AHDC1: variants seen among roughly 807,000 people sequenced by gnomAD.
The protein encoded by AHDC1 is transcription factor Gibbin.
AHDC1 carries 7 observed loss-of-function variants against 87.9 expected under a neutral mutation model. The observed-to-expected ratio is 0.08, with a 90% CI of 0.05 to 0.15. The LOEUF (loss-of-function observed/expected upper bound fraction) is 0.15. Ranked by LOEUF, AHDC1 falls within the 10% of genes least tolerant of loss-of-function variation. The pLI, the probability that AHDC1 is intolerant of heterozygous loss-of-function variation, is 1.00. For synonymous variants in AHDC1, 1,051 were observed against 1,006.8 expected, an observed-to-expected ratio of 1.04 and a Z score of -0.83; for missense variants, 1,841 against 2,253.2, an observed-to-expected ratio of 0.82 and a Z score of 3.70.
rs1481189997 is a variant in AHDC1 at position 27,548,832 on chromosome 1, G to A, written c.3284C>T (p.Ser1095Leu). ...CGCAAACTGCCGACAGTTCTCGGGC[G>A]AGGGCTGGAAGGAGGAGGAGGAGGA... Reference protein sequence around the residue: ...ASSSSSSFQPSPENCRQFAGA... With the variant: ...ASSSSSSFQPLPENCRQFAGA... The change falls in exon 8 of 9, where the codon TCG (serine) becomes TTG (leucine). Residue 1095 changes from serine (S) to leucine (L), a missense_variant. Ser to Leu is a moderately radical substitution (Grantham distance 145). Transcript: ENST00000673934. 3 of 1,613,090 alleles carry A rather than the reference G, an allele frequency of 1.9e-6. No homozygotes were observed. The highest frequency in any genetic ancestry group is 1.7e-6 in the Non-Finnish European group (2 of 1,179,974).
rs865956015 is a variant in AHDC1 at position 27,575,446 on chromosome 1, G to A, written c.-628-16563C>T. On this transcript the variant is annotated intron_variant, in intron 3 of 8. Coordinates refer to ENST00000673934, the MANE Select transcript of AHDC1 (RefSeq NM_001371928.1). ...GTGCTCTCTCCACTCCCGCAGTCTG[G>A]GGCCGGGCGGCGAGGTCTCCCCCCA... Among the ~76,000 whole-genome samples, 11 of 152,252 alleles carry A rather than the reference G, an allele frequency of 7.2e-5. No individual in the cohort carries two copies. The South Asian group carries it at 1.9e-3, about 26-fold the overall frequency.
At chr1:27,575,810 G>A (rs1367945466) in intron 3 of AHDC1, among the ~76,000 whole-genome samples, 2 of 151,736 alleles carry the variant, frequency 1.3e-5, no homozygotes, top group Admixed American at 6.6e-5. Flanking sequence ...TTGAGCGGGA[G>A]GGGAGCGGCC....
chr1:27,576,446 C>G (rs1168621237), intron 3 of AHDC1, among the ~76,000 whole-genome samples: 1 of 152,210 alleles, frequency 6.6e-6, no homozygotes, highest in African/African-American at 2.4e-5. Context: ...TAACACAGGG[C>G]ACCTGCCCTG....
chr1:27,559,078 A>G (rs1173622849), intron 3 of AHDC1, among the ~76,000 whole-genome samples, 195 bp from the exon 4 acceptor site: 1 of 151,966 alleles, frequency 6.6e-6, no homozygotes, highest in Non-Finnish European at 1.5e-5. Context: ...ACAGGGCCTC[A>G]TCTCGTTTTG....
chr1:27,591,141 G>A (rs568276102), intron 3 of AHDC1, among the ~76,000 whole-genome samples: 1 of 152,208 alleles, frequency 6.6e-6, no homozygotes, highest in South Asian at 2.1e-4. Context: ...CAAAGGGAGC[G>A]GCACAACTGA....
At chr1:27,573,869 A>G (rs1169165218) in intron 3 of AHDC1, among the ~76,000 whole-genome samples, 1 of 152,294 alleles carries the variant, frequency 6.6e-6, no homozygotes, top group South Asian at 2.1e-4. Flanking sequence ...GAGGCTCACA[A>G]GAGGTAGGGT....
At chr1:27,588,620 TGA>T (rs2089131338) in intron 3 of AHDC1, among the ~76,000 whole-genome samples, 1 of 152,164 alleles carries the variant, frequency 6.6e-6, no homozygotes, top group South Asian at 2.1e-4. Flanking sequence ...AGAGTGTTTA[TGA>T]GAGACAGAGG....
intron 8 of AHDC1, among the ~76,000 whole-genome samples, chr1:27,541,174 T>C (rs960946255): frequency 2.0e-5 from 3 of 152,158 alleles, no homozygotes; most frequent in African/African-American, 7.2e-5. Context: ...GTCTCAAATT[T>C]GTCAAGACCC....
At chr1:27,553,827 A>G (rs1349553736) in intron 5 of AHDC1, among the ~76,000 whole-genome samples, 1 of 152,136 alleles carries the variant, frequency 6.6e-6, no homozygotes. Flanking sequence ...GCACTTTGGG[A>G]GGCTGAGGCA....
intron 3 of AHDC1, among the ~76,000 whole-genome samples, chr1:27,596,394 C>A (rs1403368010): frequency 6.6e-6 from 1 of 152,090 alleles, no homozygotes. Flanking sequence ...AAACAGTCCT[C>A]ACGGAGGCTC....
intron 3 of AHDC1, among the ~76,000 whole-genome samples, chr1:27,571,855 C>T (rs950509244): frequency 2.6e-5 from 4 of 152,162 alleles, no homozygotes; most frequent in East Asian, 1.9e-4. Flanking sequence ...ACACACACTC[C>T]GCCTGTTCTG....
intron 8 of AHDC1, among the ~76,000 whole-genome samples, chr1:27,537,625 C>A (rs1245187787): frequency 6.6e-6 from 1 of 152,220 alleles, no homozygotes; most frequent in East Asian, 1.9e-4. Context: ...TCATCCCGAC[C>A]TGGCTCCTCC....
chr1:27,589,527 T>C (rs1275928921), intron 3 of AHDC1, among the ~76,000 whole-genome samples: 1 of 152,190 alleles, frequency 6.6e-6, no homozygotes, highest in African/African-American at 2.4e-5. Flanking sequence ...TGTGGGTCCA[T>C]GCGGCCTTGG....
In AHDC1 at chr1:27,575,259, CCA is replaced by C. The variant is rs367949581; in HGVS notation, c.-628-16378_-628-16377del. On this transcript the variant is annotated intron_variant, in intron 3 of 8. Coordinates refer to ENST00000673934, the MANE Select transcript of AHDC1 (RefSeq NM_001371928.1). ...ACCTCCGCCCCCCTCCCAGATGAGG[CCA>C]CAGAGTTTCTGGCTCCTGGAGGAGG... 8.9e-4 allele frequency among the ~76,000 whole-genome samples: 135 copies of C among 152,320 alleles called. 1 individual carries two copies. In the South Asian group the frequency reaches 0.011, roughly 12 times the overall value.
Position 27,560,626 on chromosome 1 carries a change from G to C in AHDC1, c.-628-1743C>G, listed in dbSNP as rs926774414. On this transcript the variant is annotated intron_variant, in intron 3 of 8. Transcript: ENST00000673934. The surrounding 1 kb of genome is among the most constrained non-coding windows in gnomAD (Gnocchi z 4.1). ...TTTCACCATGGGTCAGTATGTGCTC[G>C]TGTGTGTGTCCATGCATGTGTGGAT... Among the ~76,000 whole-genome samples, 2 of 152,062 alleles carry C rather than the reference G, an allele frequency of 1.3e-5. No homozygotes were observed. The highest frequency in any genetic ancestry group is 3.9e-4 in the East Asian group (2 of 5,192).
rs1305426031 is a variant in AHDC1, at chr1:27,598,017, T to C, written c.-629+5380A>G. ...GTGTGTGGGTGTCTCTGTCCATCTG[T>C]TTCACCACCCATCTGTCTGGCTGTC... On this transcript the variant is annotated intron_variant, in intron 3 of 8. Coordinates refer to ENST00000673934, the MANE Select transcript of AHDC1 (RefSeq NM_001371928.1). The surrounding 1 kb of genome is among the most constrained non-coding windows in gnomAD (Gnocchi z 4.2). Among the ~76,000 whole-genome samples the C allele has an allele frequency of 2.0e-5, 3 of 152,196 alleles. No individual in the cohort carries two copies. The highest frequency in any genetic ancestry group is 7.2e-5 in the African/African-American group (3 of 41,434).
intron 8 of AHDC1, among the ~76,000 whole-genome samples, chr1:27,539,228 C>T (rs2018796474): frequency 6.7e-6 from 1 of 148,838 alleles, no homozygotes; most frequent in Non-Finnish European, 1.5e-5. Flanking sequence ...CAGCCTCAAA[C>T]TCCTGGGCTC....
At chr1:27,603,202 T>G (rs1458132604) in intron 3 of AHDC1, among the ~76,000 whole-genome samples, 195 bp downstream of exon 3, 1 of 121,224 alleles carries the variant, frequency 8.2e-6, no homozygotes, top group East Asian at 3.0e-4. Context: ...CGGCGCTGCC[T>G]GCCAGGCTTC....
In AHDC1 at chr1:27,560,937, C is replaced by G. The variant is rs1280526058; in HGVS notation, c.-628-2054G>C. On this transcript the variant is annotated intron_variant, in intron 3 of 8. Coordinates refer to ENST00000673934, the MANE Select transcript of AHDC1 (RefSeq NM_001371928.1). The surrounding 1 kb of genome is among the most constrained non-coding windows in gnomAD (Gnocchi z 4.1). Reference sequence around the variant, plus strand: ...TCACTGTGTTTGTGTGTGCCTGCTTCCCTCTTCCCTCCCTCTCCCTCCCTT... The same window carrying G: ...TCACTGTGTTTGTGTGTGCCTGCTTGCCTCTTCCCTCCCTCTCCCTCCCTT... Among the ~76,000 whole-genome samples the G allele has an allele frequency of 1.3e-5, 2 of 151,976 alleles. No homozygotes were observed. Among genetic ancestry groups the G allele is most frequent in the Non-Finnish European group, 2.9e-5 (2 of 67,966 alleles).
Sources: gnomAD v4.1 joint callset for allele counts (sites outside exome capture counted in the v4.1 genomes callset) on GRCh38, gnomAD v4.1.1 for gene constraint, Gnocchi (gnomAD v3.1) non-coding constraint, MANE v1.5 for transcripts, NCBI Gene and HGNC (gene_info 2026-07-23, HGNC 2026-07-21) for gene names.